The following APP variants were observed in gnomAD, a reference collection of about 807,000 sequenced individuals.
APP encodes amyloid-beta precursor protein.
A neutral mutation model predicts 101.4 loss-of-function variants in APP; 31 were observed. The ratio of observed to expected loss-of-function variants is 0.31; its 90% confidence interval spans 0.23 to 0.41. APP has a LOEUF of 0.41. Ranked by LOEUF, APP falls within the 10% of genes least tolerant of loss-of-function variation. APP has a pLI of 1.00. For missense variants in APP, 839 were observed against 1,003.7 expected, an observed-to-expected ratio of 0.84 and a Z score of 2.22; for synonymous variants, 366 against 364.4, an observed-to-expected ratio of 1.00 and a Z score of -0.05.
At chr21:25,929,427 C>T (rs942571323) in intron 13 of APP, among the ~76,000 whole-genome samples, 3 of 151,732 alleles carry the variant, frequency 2.0e-5, no homozygotes, top group Non-Finnish European at 4.4e-5. Flanking sequence ...GCATTATTTT[C>T]GTCTCTTTAT....
intron 3 of APP, among the ~76,000 whole-genome samples, chr21:26,056,683 G>C (rs983588537): frequency 1.3e-5 from 2 of 152,046 alleles, no homozygotes; most frequent in African/African-American, 4.8e-5. Flanking sequence ...GATGGTCTTA[G>C]CTTCTTATAT....
At chr21:26,120,807 C>T (rs748833947) in intron 1 of APP, among the ~76,000 whole-genome samples, 1 of 152,110 alleles carries the variant, frequency 6.6e-6, no homozygotes, top group Non-Finnish European at 1.5e-5. Flanking sequence ...AAATAGACCC[C>T]GTTCCTGCTC....
At chr21:26,007,455 T>C (rs2043586009) in intron 6 of APP, among the ~76,000 whole-genome samples, 1 of 147,536 alleles carries the variant, frequency 6.8e-6, no homozygotes, top group Admixed American at 6.8e-5. Context: ...ATATATTATA[T>C]ACTATATATT....
intron 11 of APP, among the ~76,000 whole-genome samples, chr21:25,966,165 G>C (rs2041788519): frequency 2.0e-5 from 3 of 152,110 alleles, no homozygotes; most frequent in South Asian, 4.1e-4. Context: ...TATCGAACTT[G>C]GTAAACATTC....
At chr21:26,060,569 TAC>T (rs1185197716) in intron 3 of APP, among the ~76,000 whole-genome samples, 2 of 152,148 alleles carry the variant, frequency 1.3e-5, no homozygotes, top group African/African-American at 2.4e-5. Context: ...CAGATAAAAA[TAC>T]AGTGTCTGTT....
At chr21:25,969,867 A>AAGAAT (rs1401444478) in intron 11 of APP, among the ~76,000 whole-genome samples, 2 of 133,162 alleles carry the variant, frequency 1.5e-5, no homozygotes, top group African/African-American at 5.6e-5. Context: ...AAGAAAAGAA[A>AAGAAT]AGAAAAGAGA....
chr21:26,038,316 C>T lies in APP; in HGVS notation c.662+12684G>A, dbSNP rs2045214280. ...ATTATTATTGATTATGATTACAAGA[C>T]CTACAATAATTTTAAAATAACTAAT... is the stretch of plus-strand genomic sequence containing the variant. On this transcript the variant is annotated intron_variant, in intron 5 of 17. Transcript: ENST00000346798. 1.3e-5 allele frequency among the ~76,000 whole-genome samples: 2 copies of T among 151,932 alleles called. 1 individual carries two copies. The highest frequency in any genetic ancestry group is 1.3e-4 in the Admixed American group (2 of 15,242).
intron 3 of APP, among the ~76,000 whole-genome samples, chr21:26,059,005 C>T (rs970116731): frequency 1.3e-5 from 2 of 151,248 alleles, no homozygotes; most frequent in South Asian, 2.1e-4. Context: ...GGCGTGAACC[C>T]GGGAGGCGGA....
At position 25,897,132 on chromosome 21, in the gene APP, CT is replaced by C. The variant is rs969514799; in HGVS notation, c.2064+440del. ...ACTATACATACAGCCTCTTTCTTTT[CT>C]TTTTTTTTTTTGGGATGGAGTCTCG... On this transcript the variant is annotated intron_variant, in intron 16 of 17. Coordinates refer to ENST00000346798, the MANE Select transcript of APP (RefSeq NM_000484.4). Among the ~76,000 whole-genome samples, 234 of 144,578 alleles carry C rather than the reference CT, an allele frequency of 1.6e-3. 1 individual carries two copies. Among genetic ancestry groups the C allele is most frequent in the Middle Eastern group, 0.01 (3 of 290 alleles). 94.8% of individuals were successfully genotyped at this position (144,578 alleles called of 152,430 possible).
At chr21:26,120,744 CA>C (rs1430921455) in intron 1 of APP, among the ~76,000 whole-genome samples, 3 of 152,116 alleles carry the variant, frequency 2.0e-5, no homozygotes, top group Admixed American at 1.3e-4. Flanking sequence ...TTTGTTTACA[CA>C]ATATATTTCT....
chr21:25,906,323 G>A (rs1208297916), intron 14 of APP, among the ~76,000 whole-genome samples: 1 of 152,228 alleles, frequency 6.6e-6, no homozygotes, highest in Non-Finnish European at 1.5e-5. Context: ...AGGAGGGTGA[G>A]GCATCTAATC....
At position 26,155,373 on chromosome 21, in the gene APP, CCT is replaced by C. The variant is rs371185412; in HGVS notation, c.57+15189_57+15190del. Among the ~76,000 whole-genome samples, 751 of 152,262 alleles carry C rather than the reference CCT, an allele frequency of 4.9e-3. 5 individuals are homozygous for C. The highest frequency in any genetic ancestry group is 6.0e-3 in the Non-Finnish European group (408 of 68,016). On this transcript the variant is annotated intron_variant, in intron 1 of 17. Coordinates refer to ENST00000346798, the MANE Select transcript of APP (RefSeq NM_000484.4). ...TCATAAATAGCTTTTATATTGACCCCCTGTTGAAATAACATTTTGAATTTAGT... is the reference window on the plus strand; with the variant it reads ...TCATAAATAGCTTTTATATTGACCCCGTTGAAATAACATTTTGAATTTAGT...
At chr21:26,122,704 AAGAAGATTTTAATAAAATTTTTTATT>A (rs1438266014) in intron 1 of APP, among the ~76,000 whole-genome samples, 6 of 149,482 alleles carry the variant, frequency 4.0e-5, no homozygotes, top group Middle Eastern at 3.2e-3. Flanking sequence ...AACACGTATG[AAGAAGATTTTAATAAAATTTTTTATT>A]AGAAGATTTT....
Position 25,913,108 on chromosome 21 carries a change from T to C in APP, c.1688-1146A>G, listed in dbSNP as rs563794871. Reference sequence around the variant, plus strand: ...TGAAAATAAGATCAGGATTTAAATTTGATTTGTAACATTTTACAATCATCT... The same window carrying C: ...TGAAAATAAGATCAGGATTTAAATTCGATTTGTAACATTTTACAATCATCT... On this transcript the variant is annotated intron_variant, in intron 13 of 17. Coordinates refer to ENST00000346798, the MANE Select transcript of APP (RefSeq NM_000484.4). 5.2e-5 allele frequency among the ~76,000 whole-genome samples: 8 copies of C among 152,390 alleles called. No individual in the cohort carries two copies. In the East Asian group the frequency reaches 1.5e-3, roughly 29 times the overall value.
chr21:26,148,544 A>T (rs148220133), intron 1 of APP, among the ~76,000 whole-genome samples: 1 of 152,244 alleles, frequency 6.6e-6, no homozygotes, highest in African/African-American at 2.4e-5. Context: ...CAAATAAGTT[A>T]TTCTGTTTTC....
At chr21:26,067,161 G>C (rs1318575913) in intron 3 of APP, among the ~76,000 whole-genome samples, 1 of 151,978 alleles carries the variant, frequency 6.6e-6, no homozygotes, top group Non-Finnish European at 1.5e-5. Context: ...AAAGAAACAG[G>C]TAAAATTAAT....
At chr21:25,964,401 AAAC>A (rs2041705457) in intron 11 of APP, among the ~76,000 whole-genome samples, 2 of 152,194 alleles carry the variant, frequency 1.3e-5, no homozygotes, top group Non-Finnish European at 2.9e-5. Flanking sequence ...ACAAAAGCTA[AAAC>A]AACAGAAATT....
chr21:26,011,217 A>G (rs2043792689), intron 6 of APP, among the ~76,000 whole-genome samples: 1 of 152,110 alleles, frequency 6.6e-6, no homozygotes, highest in Admixed American at 6.5e-5. Flanking sequence ...CTGGGATTAT[A>G]GGCACCCATC....
chr21:25,998,266 C>G (rs943655843), intron 7 of APP, among the ~76,000 whole-genome samples: 1 of 152,078 alleles, frequency 6.6e-6, no homozygotes, highest in African/African-American at 2.4e-5. Context: ...GGCCTTTGTT[C>G]CAAAGGCTGC....
Sources: allele counts gnomAD v4.1 joint callset (sites outside exome capture counted in the v4.1 genomes callset), GRCh38; gene constraint gnomAD v4.1.1; transcripts MANE v1.5; gene names NCBI Gene and HGNC (gene_info 2026-07-23, HGNC 2026-07-21).